The following AKAP1 variants were observed in gnomAD, a reference collection of about 807,000 sequenced individuals.
AKAP1 encodes A-kinase anchor protein 1, mitochondrial.
Under a neutral mutation model 79.8 loss-of-function variants are expected in AKAP1, and 32 were observed. The ratio of observed to expected loss-of-function variants is 0.40; its 90% CI spans 0.30 to 0.54. The LOEUF is 0.54. Ranked by LOEUF, AKAP1 falls within the 20% of genes least tolerant of loss-of-function variation. The probability of loss-of-function intolerance (pLI) is 0.47; values close to 1 mark genes in which losing one functional copy is unlikely to be tolerated. For synonymous variants in AKAP1, 416 were observed against 466.7 expected (o/e 0.89, Z 1.40); for missense variants, 961 against 1,138.9 (o/e 0.84, Z 2.25).
In AKAP1 at chr17:57,116,199, G is replaced by T. The variant is rs776425083; in HGVS notation, c.2370G>T (p.Glu790Asp). The stretch of plus-strand genomic sequence containing the variant: ...CCTACGAGGAGACCAACGAAGTGGA[G>T]ATTCGATACGTGGACTACGGCGGAT... ...VASYEETNEVEIRYVDYGGYK... is the reference protein window; with the variant it reads ...VASYEETNEVDIRYVDYGGYK... Residue 790 changes from glutamate to aspartate, a missense_variant, in exon 7 of 11, where the codon GAG becomes GAT. Glu to Asp is a conservative substitution (Grantham distance 45). Transcript: ENST00000337714. 4 of 1,614,212 alleles carry T rather than the reference G, an allele frequency of 2.5e-6. No homozygotes were observed. The South Asian group carries it at 4.4e-5, about 18-fold the overall frequency.
At chr17:57,090,575 C>G (rs1913728155) in intron 1 of AKAP1, among the ~76,000 whole-genome samples, 1 of 151,150 alleles carries the variant, frequency 6.6e-6, no homozygotes, top group Non-Finnish European at 1.5e-5. Flanking sequence ...CTGGGTTTTA[C>G]AAAGATTAAA....
Position 57,086,841 on chromosome 17 carries a change from C to T in AKAP1, c.-25+1443C>T, listed in dbSNP as rs1258358950. Among the ~76,000 whole-genome samples, 1 of 150,838 alleles carries T rather than the reference C, an allele frequency of 6.6e-6. No homozygotes were observed. Among genetic ancestry groups the T allele is most frequent in the Admixed American group, 6.6e-5 (1 of 15,108 alleles). The stretch of plus-strand genomic sequence containing the variant: ...TTATTTAGAAAGCAAAGCTTGGACT[C>T]TTAGCACCACCCATCCACTTTGCTC... On this transcript the variant is annotated intron_variant, in intron 1 of 10. Transcript: ENST00000337714. This position sits in a 1 kb window ranked among gnomAD's most constrained non-coding sequence, Gnocchi z 5.1.
At position 57,106,708 on chromosome 17, in the gene AKAP1, C is replaced by G; in HGVS notation, c.1244C>G (p.Pro415Arg). The change falls in exon 2 of 11, where the codon CCG becomes CGG. Residue 415 changes from proline to arginine, a missense_variant. Coordinates refer to ENST00000337714, the MANE Select transcript of AKAP1 (RefSeq NM_003488.4). Reference sequence around the variant, plus strand: ...ACAGCAGAGGCAGCTGTTGCCCCGCCGGATGCTGGCCTCCCCTTGCCAGGC... The same window carrying G: ...ACAGCAGAGGCAGCTGTTGCCCCGCGGGATGCTGGCCTCCCCTTGCCAGGC... ...PATAEAAVAP[P>R]DAGLPLPGLP... is the part of the protein sequence containing the mutation. The G allele has an allele frequency of 6.2e-7, 1 of 1,614,034 alleles. No individual in the cohort carries two copies. Among genetic ancestry groups the G allele is most frequent in the Non-Finnish European group, 8.5e-7 (1 of 1,180,034 alleles).
intron 1 of AKAP1, chr17:57,094,565 G>C (rs1324198493): frequency 6.6e-6 from 1 of 150,814 alleles, no homozygotes; most frequent in African/African-American, 2.4e-5. Flanking sequence ...GTGGCGATCT[G>C]GATTTGGGTA....
At chr17:57,113,264 C>T (rs1408322462) in intron 5 of AKAP1, among the ~76,000 whole-genome samples, 1 of 152,184 alleles carries the variant, frequency 6.6e-6, no homozygotes, top group Non-Finnish European at 1.5e-5. Context: ...GTGCCTCTGG[C>T]CCTGGTTGGG....
rs767900385 is a variant in AKAP1 at position 57,105,874 on chromosome 17, G to T, written c.410G>T (p.Gly137Val). Residue 137 changes from glycine to valine, a missense_variant, in exon 2 of 11, where the codon GGT becomes GTT. Coordinates refer to ENST00000337714, the MANE Select transcript of AKAP1 (RefSeq NM_003488.4). ...DSTKLELALTGGEAKSIPLEC... is the reference protein window; with the variant it reads ...DSTKLELALTVGEAKSIPLEC... The stretch of plus-strand genomic sequence containing the variant: ...ACAAAGCTGGAGCTAGCCCTGACAG[G>T]TGGTGAAGCCAAATCGATTCCTCTA... 6.2e-7 allele frequency: 1 copy of T among 1,614,128 alleles called. No individual in the cohort carries two copies. Among genetic ancestry groups the T allele is most frequent in the South Asian group, 1.1e-5 (1 of 91,094 alleles).
intron 3 of AKAP1, among the ~76,000 whole-genome samples, chr17:57,110,888 T>TTGATGTTTA (rs2144745318): frequency 6.6e-6 from 1 of 152,300 alleles, no homozygotes; most frequent in African/African-American, 2.4e-5. Context: ...TAGCTTGATC[T>TTGATGTTTA]TGATGTTTAT....
At position 57,114,453 on chromosome 17, in the gene AKAP1, C is replaced by T; in HGVS notation, c.2104-6C>T. ...TTCAGTGACCGCTCCCCCTTCCCCTCTACAGCTCATGCTGCCTGATGGCAT... is the reference window on the plus strand; with the variant it reads ...TTCAGTGACCGCTCCCCCTTCCCCTTTACAGCTCATGCTGCCTGATGGCAT... On this transcript the variant is annotated splice_polypyrimidine_tract_variant and splice_region_variant and intron_variant, in intron 5 of 10. Transcript: ENST00000337714. The T allele has an allele frequency of 1.9e-6, 3 of 1,613,810 alleles. No individual in the cohort carries two copies. The highest frequency in any genetic ancestry group is 2.5e-6 in the Non-Finnish European group (3 of 1,179,976).
chr17:57,109,678 C>T (rs11655412), intron 2 of AKAP1, among the ~76,000 whole-genome samples: 15,159 of 152,202 alleles, frequency 0.1, 830 homozygotes, highest in Non-Finnish European at 0.11. Flanking sequence ...GGACCTCAAG[C>T]GTGTCTCCTC....
intron 1 of AKAP1, among the ~76,000 whole-genome samples, chr17:57,099,544 C>T (rs1199369886): frequency 6.6e-6 from 1 of 152,092 alleles, no homozygotes; most frequent in Non-Finnish European, 1.5e-5. Context: ...TCAGTGCCTT[C>T]TAGGAGGCCA....
Position 57,085,404 on chromosome 17 carries a change from TCGG to T in AKAP1, c.-25+7_-25+9del, listed in dbSNP as rs909137128. On this transcript the variant is annotated splice_region_variant and intron_variant, in intron 1 of 10. Transcript: ENST00000337714. ...CGATGGTAGCCGAGGAGCTGGTAGG[TCGG>T]GGGCAGCTGCGCCGGGGACCCCCTG... 1.2e-4 allele frequency: 18 copies of T among 151,724 alleles called. No individual in the cohort carries two copies. The highest frequency in any genetic ancestry group is 1.9e-4 in the African/African-American group (8 of 41,322). The allele number at this position is 151,724 out of a possible 1,614,324, so 9.4% of individuals were successfully genotyped here.
At chr17:57,099,260 A>G (rs894027869) in intron 1 of AKAP1, among the ~76,000 whole-genome samples, 1 of 151,320 alleles carries the variant, frequency 6.6e-6, no homozygotes, top group East Asian at 1.9e-4. Context: ...CACATCTTCC[A>G]CTCTGCTCTT....
chr17:57,109,984 G>T (rs1915136232), intron 2 of AKAP1, 41 bp from the exon 3 acceptor site: 1 of 1,604,106 alleles, frequency 6.2e-7, no homozygotes, highest in Non-Finnish European at 8.5e-7. Context: ...GCTCTGAGTG[G>T]GGTCTGTGTG....
At chr17:57,102,605 C>T (rs1384306749) in intron 1 of AKAP1, among the ~76,000 whole-genome samples, 1 of 151,576 alleles carries the variant, frequency 6.6e-6, no homozygotes, top group Non-Finnish European at 1.5e-5. Context: ...GCTGGGAGTA[C>T]AGGCTCCCGC....
chr17:57,100,439 ACACACACG>A (rs1368943330), intron 1 of AKAP1, among the ~76,000 whole-genome samples: 1 of 148,314 alleles, frequency 6.7e-6, no homozygotes, highest in African/African-American at 2.4e-5. Flanking sequence ...ACACACACAC[ACACACACG>A]CACACACACA....
intron 1 of AKAP1, chr17:57,092,032 G>T (rs1403074120): frequency 1.3e-5 from 2 of 152,146 alleles, no homozygotes; most frequent in Non-Finnish European, 2.9e-5. Context: ...CAGCCTAAAG[G>T]CTGGCCACTA....
intron 1 of AKAP1, among the ~76,000 whole-genome samples, chr17:57,087,716 C>G (rs997560413): frequency 2.6e-5 from 4 of 152,234 alleles, no homozygotes; most frequent in Admixed American, 6.5e-5. Flanking sequence ...AAGCACCCCT[C>G]TCCTTAGCCT....
Position 57,110,162 on chromosome 17 carries a change from G to A in AKAP1, c.1848+4G>A. ...CTGGGAGATCGAGGTGCCAAAGGTA[G>A]GGGCGGAGTCCCCCAGGCTGGTTCT... On this transcript the variant is annotated splice_donor_region_variant and intron_variant, in intron 3 of 10. Coordinates refer to ENST00000337714, the MANE Select transcript of AKAP1 (RefSeq NM_003488.4). 6.2e-7 allele frequency: 1 copy of A among 1,613,672 alleles called. No homozygotes were observed. Among genetic ancestry groups the A allele is most frequent in the Non-Finnish European group, 8.5e-7 (1 of 1,179,918 alleles).
At position 57,116,926 on chromosome 17, in the gene AKAP1, A is replaced by T. The variant is rs751806031; in HGVS notation, c.2499A>T (p.Ser833=). The T allele has an allele frequency of 6.2e-7, 1 of 1,614,014 alleles. No individual in the cohort carries two copies. Among genetic ancestry groups the T allele is most frequent in the Non-Finnish European group, 8.5e-7 (1 of 1,179,868 alleles). Residue 833 remains serine, a splice_region_variant and synonymous_variant, in exon 8 of 11, where the codon TCA becomes TCT. Coordinates refer to ENST00000337714, the MANE Select transcript of AKAP1 (RefSeq NM_003488.4). ...TTCTGGACAGTGTGATGCCCCTGTC[A>T]GGTAACAGCTGAGGCCTTTGGCTTG... The part of the protein sequence containing the change: ...EVLLDSVMPL[S]DDDQFSPEAD...
Sources: allele counts gnomAD v4.1 joint callset (sites outside exome capture counted in the v4.1 genomes callset), GRCh38; gene constraint gnomAD v4.1.1; non-coding constraint Gnocchi (gnomAD v3.1); transcripts MANE v1.5; gene names NCBI Gene and HGNC (gene_info 2026-07-23, HGNC 2026-07-21).